The following SLC22A24 variants were observed in gnomAD, a reference collection of about 807,000 sequenced individuals.
SLC22A24 encodes the protein solute carrier family 22 member 24, also known as steroid transmembrane transporter SLC22A24.
In SLC22A24, 53 loss-of-function variants were observed where a neutral mutation model predicts 49.8. The observed-to-expected ratio is 1.06, with a 90% CI of 0.85 to 1.34. The LOEUF is 1.34. Among genes scored for constraint, SLC22A24 ranks in the 40% most tolerant of loss-of-function variants. SLC22A24 has a pLI of 0.00. For missense variants in SLC22A24, 786 were observed against 675.9 expected (o/e 1.16, Z -1.81); for synonymous variants, 302 against 256.4 (o/e 1.18, Z -1.70).
At chr11:63,116,498 G>A (rs1401614920) in intron 4 of SLC22A24, among the ~76,000 whole-genome samples, 2 of 152,036 alleles carry the variant, frequency 1.3e-5, no homozygotes, top group Admixed American at 6.5e-5. Flanking sequence ...TTTCCATGAT[G>A]AGTTAGCTTT....
chr11:63,126,688 C>T (rs2087293348), intron 2 of SLC22A24, among the ~76,000 whole-genome samples: 2 of 152,120 alleles, frequency 1.3e-5, no homozygotes, highest in Admixed American at 1.3e-4. Flanking sequence ...TTTTCCAATT[C>T]TGTGAAGAAA....
intron 4 of SLC22A24, among the ~76,000 whole-genome samples, chr11:63,109,464 C>T (rs1156404306): frequency 6.9e-6 from 1 of 144,572 alleles, no homozygotes; most frequent in African/African-American, 2.5e-5. Context: ...GTCCCACCAA[C>T]AGTGTAAAAG....
chr11:63,096,957 G>A (rs1451690742), intron 5 of SLC22A24, among the ~76,000 whole-genome samples: 1 of 152,026 alleles, frequency 6.6e-6, no homozygotes, highest in Non-Finnish European at 1.5e-5. Flanking sequence ...AGTCTTACAT[G>A]TAAATATAAA....
intron 5 of SLC22A24, among the ~76,000 whole-genome samples, chr11:63,103,129 A>G (rs2087101234): frequency 2.0e-5 from 3 of 152,142 alleles, no homozygotes; most frequent in Admixed American, 6.6e-5. Flanking sequence ...TATCAGAGGG[A>G]TGAAATCATT....
At chr11:63,090,137 G>T (rs1289485187) in intron 6 of SLC22A24, among the ~76,000 whole-genome samples, 1 of 148,734 alleles carries the variant, frequency 6.7e-6, no homozygotes, top group African/African-American at 2.5e-5. Context: ...ATGGTAAAGG[G>T]ATCAATGCGA....
intron 5 of SLC22A24, among the ~76,000 whole-genome samples, chr11:63,099,370 GA>G (rs1454753273): frequency 8.7e-5 from 3 of 34,434 alleles, no homozygotes; most frequent in Admixed American, 7.7e-4. Context: ...TAATTTTTAA[GA>G]TTTTTTTTTT....
intron 5 of SLC22A24, among the ~76,000 whole-genome samples, chr11:63,101,682 G>A (rs7129670): frequency 0.48 from 73,003 of 151,698 alleles, 17,913 homozygotes; most frequent in East Asian, 0.54. Flanking sequence ...AGATATGGGG[G>A]CAACCTAAGT....
At chr11:63,127,696 T>C (rs957295324) in intron 2 of SLC22A24, among the ~76,000 whole-genome samples, 25 of 152,226 alleles carry the variant, frequency 1.6e-4, no homozygotes, top group Admixed American at 6.5e-4. Context: ...TGGTATCTCA[T>C]TGTGGTTTTG....
At chr11:63,118,753 C>T in intron 4 of SLC22A24, 159 bp downstream of exon 4, 2 of 736,438 alleles carry the variant, frequency 2.7e-6, no homozygotes, top group Non-Finnish European at 4.8e-6. Flanking sequence ...ATAGTGTCAT[C>T]CTATTCCATT....
chr11:63,112,652 C>T (rs879463287), intron 4 of SLC22A24, among the ~76,000 whole-genome samples: 1 of 151,960 alleles, frequency 6.6e-6, no homozygotes, highest in African/African-American at 2.4e-5. Context: ...TTGCCTTCTG[C>T]TAGATTTTGA....
intron 2 of SLC22A24, among the ~76,000 whole-genome samples, chr11:63,128,621 T>G (rs1341700242): frequency 1.3e-5 from 2 of 152,158 alleles, no homozygotes; most frequent in Admixed American, 1.3e-4. Context: ...TTAGTGAAAG[T>G]ACTAAAAGTC....
At chr11:63,093,073 A>C (rs915116010) in intron 6 of SLC22A24, among the ~76,000 whole-genome samples, 1 of 152,350 alleles carries the variant, frequency 6.6e-6, no homozygotes, top group South Asian at 2.1e-4. Context: ...TTATGTGGCC[A>C]ACAAACATGA....
chr11:63,110,699 G>C (rs1156309942), intron 4 of SLC22A24, among the ~76,000 whole-genome samples: 1 of 134,010 alleles, frequency 7.5e-6, no homozygotes, highest in Non-Finnish European at 1.6e-5. Context: ...CATTGATTTT[G>C]TATCCTGAGA....
chr11:63,082,679 T>G (rs2086966631), intron 7 of SLC22A24, among the ~76,000 whole-genome samples: 1 of 152,232 alleles, frequency 6.6e-6, no homozygotes, highest in Non-Finnish European at 1.5e-5. Context: ...ACTGTACACT[T>G]CATTTATGGT....
At position 63,081,580 on chromosome 11, in the gene SLC22A24, C is replaced by T. The variant is rs368798118; in HGVS notation, c.1372G>A (p.Glu458Lys). 37 of 1,551,248 alleles carry T rather than the reference C, an allele frequency of 2.4e-5. No homozygotes were observed. Among genetic ancestry groups the T allele is most frequent in the South Asian group, 9.5e-5 (8 of 84,054 alleles). Reference sequence around the variant, plus strand: ...TACCTCAATATGGTGGGGACGAGCTCGTTGTGGTGGACAGAAGCACTGTTG... The same window carrying T: ...TACCTCAATATGGTGGGGACGAGCTTGTTGTGGTGGACAGAAGCACTGTTG... ...ASNSASVHHN[E>K]LVPTILRSTV... Residue 458 changes from glutamate (E) to lysine (K), a missense_variant, in exon 8 of 10, where the codon GAG becomes AAG. Glu to Lys is a moderately conservative substitution (Grantham distance 56). Coordinates refer to ENST00000612278, the MANE Select transcript of SLC22A24 (RefSeq NM_001136506.2).
intron 4 of SLC22A24, among the ~76,000 whole-genome samples, chr11:63,113,838 C>A (rs6591749): frequency 0.99 from 144,297 of 145,992 alleles, 71,334 homozygotes; most frequent in East Asian, 1. Context: ...TGGGCAACAG[C>A]GTGAGACTCC....
At position 63,081,650 on chromosome 11, in the gene SLC22A24, A is replaced by G. The variant is rs1192146938; in HGVS notation, c.1302T>C (p.Arg434=). 4 of 1,550,946 alleles carry G rather than the reference A, an allele frequency of 2.6e-6. No individual in the cohort carries two copies. Among genetic ancestry groups the G allele is most frequent in the Admixed American group, 2.0e-5 (1 of 51,006 alleles). Residue 434 remains arginine (R), a synonymous_variant, in exon 8 of 10, where the codon CGT becomes CGC. Coordinates refer to ENST00000612278, the MANE Select transcript of SLC22A24 (RefSeq NM_001136506.2). ...TFLPQEMQIL[R]VVLATLGIGS... is the part of the protein sequence containing the mutation. ...CAATTCCCAAAGTTGCTAAAACCAC[A>G]CGCAGGATCTGCATTTCTAGAGAGA...
intron 9 of SLC22A24, 109 bp downstream of exon 9, chr11:63,080,811 G>C: frequency 1.1e-6 from 1 of 905,530 alleles, no homozygotes; most frequent in Non-Finnish European, 1.7e-6. Flanking sequence ...TCCTAGGTCT[G>C]AGCCTACATG....
At chr11:63,087,024 G>GCACACACACACACACACACACACA (rs1555045310) in intron 6 of SLC22A24, among the ~76,000 whole-genome samples, 1 of 132,556 alleles carries the variant, frequency 7.5e-6, no homozygotes, top group Non-Finnish European at 1.5e-5. Flanking sequence ...CCTGGAGGGC[G>GCACACACACACACACACACACACA]CACACACACA....
Sources: gnomAD v4.1 joint callset for allele counts (sites outside exome capture counted in the v4.1 genomes callset) on GRCh38, gnomAD v4.1.1 for gene constraint, MANE v1.5 for transcripts, NCBI Gene and HGNC (gene_info 2026-07-23, HGNC 2026-07-21) for gene names.